The following VDAC1 variants were observed in gnomAD, a reference collection of about 807,000 sequenced individuals.
VDAC1 encodes voltage dependent anion channel 1.
VDAC1 carries 10 observed loss-of-function variants against 34.7 expected under a neutral mutation model. That is an observed-to-expected ratio of 0.29 (90% confidence interval 0.18 to 0.49). The LOEUF (loss-of-function observed/expected upper bound fraction) is 0.49, where lower values mean the gene tolerates loss of function less well. Ranked by LOEUF, VDAC1 falls within the 20% of genes least tolerant of loss-of-function variation. VDAC1 has a pLI of 0.99. For synonymous variants in VDAC1, 130 were observed against 136.0 expected (o/e 0.96, Z 0.30); for missense variants, 230 against 347.9 (o/e 0.66, Z 2.69).
At chr5:134,086,018 C>A in the VDAC1 span, among the ~76,000 whole-genome samples, 1 of 152,076 alleles carries the variant, frequency 6.6e-6, no homozygotes, top group Non-Finnish European at 1.5e-5. Context: ...TATGGTGAAA[C>A]CCTGTGTCTA....
intron 5 of VDAC1, among the ~76,000 whole-genome samples, chr5:133,988,367 A>G (rs1270507853): frequency 6.6e-6 from 1 of 151,904 alleles, no homozygotes; most frequent in Non-Finnish European, 1.5e-5. Flanking sequence ...TGGGCAGATC[A>G]CCCAAGGTCA....
chr5:134,027,246 C>T, the VDAC1 span, among the ~76,000 whole-genome samples: 1 of 152,188 alleles, frequency 6.6e-6, no homozygotes, highest in Non-Finnish European at 1.5e-5. Flanking sequence ...GGATCAGGGG[C>T]CCCTGGATAG....
chr5:134,045,943 C>T, the VDAC1 span, among the ~76,000 whole-genome samples: 3 of 152,020 alleles, frequency 2.0e-5, no homozygotes, highest in Non-Finnish European at 4.4e-5. Flanking sequence ...CCTCAGCCTC[C>T]CAAAGTGCTG....
the VDAC1 span, among the ~76,000 whole-genome samples, chr5:134,052,749 C>A: frequency 1.3e-5 from 2 of 152,208 alleles, no homozygotes; most frequent in Non-Finnish European, 2.9e-5. Flanking sequence ...AGGTGCTCTA[C>A]ACACATGCTC....
At chr5:134,113,756 C>A in the VDAC1 span, among the ~76,000 whole-genome samples, 1 of 152,250 alleles carries the variant, frequency 6.6e-6, no homozygotes, top group African/African-American at 2.4e-5. Flanking sequence ...CACTTTCCCG[C>A]GCTCCGCAAA....
chr5:134,039,768 G>A, the VDAC1 span, among the ~76,000 whole-genome samples: 1 of 152,210 alleles, frequency 6.6e-6, no homozygotes, highest in Non-Finnish European at 1.5e-5. Flanking sequence ...CCATCTCCCG[G>A]CTCCCAAACC....
the VDAC1 span, among the ~76,000 whole-genome samples, chr5:134,108,624 T>G: frequency 3.3e-5 from 5 of 152,118 alleles, no homozygotes; most frequent in Non-Finnish European, 5.9e-5. Context: ...GTGGGTCATA[T>G]ACTGGGAGGT....
the VDAC1 span, among the ~76,000 whole-genome samples, chr5:134,018,750 A>C: frequency 6.6e-6 from 1 of 152,146 alleles, no homozygotes; most frequent in South Asian, 2.1e-4. Flanking sequence ...CATTGGATAA[A>C]CTAATATGTG....
In VDAC1 at chr5:133,992,291, G is replaced by A. The variant is rs748559744; in HGVS notation, c.117+15C>T. On this transcript the variant is annotated intron_variant, in intron 3 of 8. Transcript: ENST00000265333. ...TAAATAAATACTCATGTTCCATGTG[G>A]GTTGGACAACTTACCAATCCATTCT... 1.7e-5 allele frequency: 26 copies of A among 1,555,614 alleles called. No individual in the cohort carries two copies. Among genetic ancestry groups the A allele is most frequent in the Non-Finnish European group, 2.2e-5 (25 of 1,153,122 alleles).
chr5:133,999,865 C>T (rs1406877891), intron 1 of VDAC1, among the ~76,000 whole-genome samples: 1 of 152,106 alleles, frequency 6.6e-6, no homozygotes, highest in Non-Finnish European at 1.5e-5. Context: ...TATGATTCTG[C>T]CAAGGAAGAG....
intron 7 of VDAC1, 140 bp downstream of exon 7, chr5:133,975,731 T>G: frequency 1.5e-6 from 2 of 1,335,092 alleles, no homozygotes; most frequent in Non-Finnish European, 2.1e-6. Context: ...AGTGCAGGGA[T>G]TACAGGCGTG....
the VDAC1 span, among the ~76,000 whole-genome samples, chr5:134,086,806 C>G: frequency 1.3e-5 from 2 of 152,188 alleles, no homozygotes; most frequent in Non-Finnish European, 2.9e-5. Flanking sequence ...CATCCCACTA[C>G]TCAAAAATTC....
the VDAC1 span, among the ~76,000 whole-genome samples, chr5:134,087,967 A>G: frequency 6.6e-6 from 1 of 151,562 alleles, no homozygotes; most frequent in South Asian, 2.1e-4. Flanking sequence ...CCTGACCAAC[A>G]TGGTGAAACC....
At chr5:134,105,724 C>T in the VDAC1 span, among the ~76,000 whole-genome samples, 1 of 152,252 alleles carries the variant, frequency 6.6e-6, no homozygotes. Context: ...ACCCGGGTCT[C>T]CCAGCTCCTG....
chr5:134,103,316 T>C, the VDAC1 span, among the ~76,000 whole-genome samples: 1 of 152,066 alleles, frequency 6.6e-6, no homozygotes, highest in Non-Finnish European at 1.5e-5. Context: ...GAGATGGGGT[T>C]TTGCCATGTT....
the VDAC1 span, among the ~76,000 whole-genome samples, chr5:134,062,735 TC>T: frequency 6.6e-6 from 1 of 151,770 alleles, no homozygotes; most frequent in East Asian, 1.9e-4. Flanking sequence ...CAAGCGATTC[TC>T]CCGCCTCAGC....
chr5:134,080,021 G>A, the VDAC1 span, among the ~76,000 whole-genome samples: 1 of 152,252 alleles, frequency 6.6e-6, no homozygotes, highest in Admixed American at 6.5e-5. Flanking sequence ...CTCAAGAGTG[G>A]CTTTCAAGCA....
the VDAC1 span, among the ~76,000 whole-genome samples, chr5:134,076,048 T>C: frequency 3.3e-5 from 5 of 150,554 alleles, no homozygotes; most frequent in African/African-American, 1.2e-4. Context: ...TGGCATGATC[T>C]TGCTAACTGC....
the VDAC1 span, among the ~76,000 whole-genome samples, chr5:134,044,333 C>T: frequency 3.3e-5 from 5 of 152,260 alleles, no homozygotes; most frequent in Admixed American, 6.5e-5. Context: ...GTCTGCACAA[C>T]GGCCCCTCCA....
Sources: gnomAD v4.1 joint callset for allele counts (sites outside exome capture counted in the v4.1 genomes callset) on GRCh38, gnomAD v4.1.1 for gene constraint, MANE v1.5 for transcripts, NCBI Gene and HGNC (gene_info 2026-07-23, HGNC 2026-07-21) for gene names.